Variants in CTSH observed in about 807,000 individuals in gnomAD.
CTSH encodes the protein cathepsin H.
A neutral mutation model predicts 56.3 loss-of-function variants in CTSH; 52 were observed. The ratio of observed to expected loss-of-function variants is 0.92; its 90% CI spans 0.74 to 1.16. CTSH has a LOEUF of 1.16. CTSH is among the 50% of genes most tolerant of loss of function. The pLI is 0.00. For missense variants in CTSH, 406 were observed against 424.5 expected (o/e 0.96, Z 0.38); for synonymous variants, 174 against 155.7 (o/e 1.12, Z -0.88).
At chr15:78,933,863 G>T (rs984322077) in intron 5 of CTSH, among the ~76,000 whole-genome samples, 1 of 152,234 alleles carries the variant, frequency 6.6e-6, no homozygotes, top group Non-Finnish European at 1.5e-5. Context: ...GCCACAGTAA[G>T]AGACGGCACA....
At chr15:78,937,743 A>G in intron 2 of CTSH, 1 of 1,333,632 alleles carries the variant, frequency 7.5e-7, no homozygotes, top group Non-Finnish European at 9.8e-7. Flanking sequence ...AGTTTACAGC[A>G]AAGATCACCA....
intron 1 of CTSH, among the ~76,000 whole-genome samples, chr15:78,942,603 C>T (rs549319284): frequency 5.6e-4 from 86 of 152,298 alleles, no homozygotes; most frequent in African/African-American, 1.9e-3. Flanking sequence ...ATTGAGAATG[C>T]CAGATATGAA....
At chr15:78,943,187 C>G (rs1306446237) in intron 1 of CTSH, among the ~76,000 whole-genome samples, 1 of 152,162 alleles carries the variant, frequency 6.6e-6, no homozygotes, top group Non-Finnish European at 1.5e-5. Flanking sequence ...CTAGTCAGGA[C>G]TTTAAAAGTG....
intron 7 of CTSH, among the ~76,000 whole-genome samples, chr15:78,930,150 C>T (rs1021695724): frequency 1.3e-5 from 2 of 152,194 alleles, no homozygotes; most frequent in Non-Finnish European, 2.9e-5. Context: ...ATCCCCAGGG[C>T]CTACACACAG....
intron 10 of CTSH, among the ~76,000 whole-genome samples, chr15:78,924,855 T>TTTC (rs1272295178): frequency 1.3e-5 from 2 of 150,596 alleles, no homozygotes; most frequent in African/African-American, 2.4e-5. Flanking sequence ...ACGCTGGCTT[T>TTTC]TTTTTTTTTT....
At chr15:78,930,448 A>G (rs1264656287) in intron 7 of CTSH, among the ~76,000 whole-genome samples, 1 of 151,900 alleles carries the variant, frequency 6.6e-6, no homozygotes, top group Non-Finnish European at 1.5e-5. Flanking sequence ...AATGGGGTGA[A>G]CCCGGGAGGC....
rs772206954 is a variant in CTSH at position 78,927,569 on chromosome 15, CTG to C, written c.699+142_699+143del. ...TCCTGCCTCGCCACCATCACAGCGA[CTG>C]AGACCCAGGGATAATATGAACTCGT... On this transcript the variant is annotated intron_variant, in intron 9 of 11. Transcript: ENST00000220166. 1.6e-3 allele frequency: 1,122 copies of C among 707,360 alleles called. 2 individuals carry two copies. The highest frequency in any genetic ancestry group is 1.9e-3 in the Non-Finnish European group (780 of 413,868). 43.8% of individuals were successfully genotyped at this position (707,360 alleles called of 1,614,324 possible). A position where few individuals can be genotyped will look rare whatever the true frequency, so the allele number is the denominator to read the frequency against.
At chr15:78,924,019 C>T (rs1347083139) in intron 10 of CTSH, among the ~76,000 whole-genome samples, 2 of 148,184 alleles carry the variant, frequency 1.3e-5, no homozygotes, top group African/African-American at 2.5e-5. Context: ...AAAGAGGCTG[C>T]TTCTCTACAG....
intron 5 of CTSH, chr15:78,933,657 G>A (rs970761381): frequency 5.0e-5 from 18 of 358,984 alleles, no homozygotes; most frequent in Admixed American, 3.2e-4. Flanking sequence ...TGAAGGAGGC[G>A]GAGCTCGGCT....
chr15:78,944,778 CG>C lies in CTSH; in HGVS notation c.91+112del, dbSNP rs1274459668. 1.3e-5 allele frequency: 18 copies of C among 1,389,570 alleles called. No homozygotes were observed. In the African/African-American group the frequency reaches 2.7e-4, roughly 21 times the overall value. 86.1% of individuals were successfully genotyped at this position (1,389,570 alleles called of 1,614,324 possible). ...GCACGCAGAGTTCCTGGCCTCTCAC[CG>C]GGGAAAGCTCTGCCCCGTTCCTCCG... On this transcript the variant is annotated intron_variant, in intron 1 of 11. Coordinates refer to ENST00000220166, the MANE Select transcript of CTSH (RefSeq NM_004390.5).
Position 78,939,455 on chromosome 15 carries a change from C to T in CTSH, c.92-284G>A, listed in dbSNP as rs141132607. Reference sequence around the variant, plus strand: ...GGGTGCAGAAAGCACTTCCGGGATGCTGCTCATATCCTGTTTCTTCAACTG... The same window carrying T: ...GGGTGCAGAAAGCACTTCCGGGATGTTGCTCATATCCTGTTTCTTCAACTG... On this transcript the variant is annotated intron_variant, in intron 1 of 11. Coordinates refer to ENST00000220166, the MANE Select transcript of CTSH (RefSeq NM_004390.5). Among the ~76,000 whole-genome samples, 64 of 152,324 alleles carry T rather than the reference C, an allele frequency of 4.2e-4. 1 individual carries two copies. The highest frequency in any genetic ancestry group is 3.3e-3 in the East Asian group (17 of 5,188).
At chr15:78,931,203 G>A (rs1033650364) in intron 7 of CTSH, among the ~76,000 whole-genome samples, 25 of 152,218 alleles carry the variant, frequency 1.6e-4, no homozygotes, top group African/African-American at 5.8e-4. Context: ...GAGGCCAACC[G>A]CACTGTGGAG....
chr15:78,944,635 G>A, intron 1 of CTSH: 1 of 485,382 alleles, frequency 2.1e-6, no homozygotes, highest in Non-Finnish European at 3.4e-6. Context: ...TTCTAGGCTG[G>A]AGAGCCACCT....
intron 9 of CTSH, chr15:78,927,492 T>TCG: frequency 1.7e-6 from 1 of 580,472 alleles, no homozygotes; most frequent in Non-Finnish European, 3.1e-6. Flanking sequence ...TGTGTGGATC[T>TCG]GGAGTTCAGA....
At chr15:78,937,003 C>A in intron 3 of CTSH, 1 of 322,500 alleles carries the variant, frequency 3.1e-6, no homozygotes, top group Non-Finnish European at 5.8e-6. Context: ...CCATGAGCAA[C>A]CCCTACCCCC....
intron 6 of CTSH, chr15:78,932,072 C>T (rs758981824): frequency 8.8e-6 from 11 of 1,250,922 alleles, no homozygotes; most frequent in Non-Finnish European, 1.1e-5. Flanking sequence ...AGTTGGCTAC[C>T]CACCAGGCAG....
intron 3 of CTSH, among the ~76,000 whole-genome samples, chr15:78,936,392 G>C (rs1184782752): frequency 6.6e-6 from 1 of 151,520 alleles, no homozygotes; most frequent in African/African-American, 2.4e-5. Flanking sequence ...ATGTTGGCCA[G>C]GCTGGTCTCG....
At chr15:78,935,200 G>T in intron 4 of CTSH, 118 bp from the exon 5 acceptor site, 1 of 710,270 alleles carries the variant, frequency 1.4e-6, no homozygotes, top group Non-Finnish European at 2.4e-6. Flanking sequence ...AAAGGCTGCA[G>T]CTCTCAGAAC....
At chr15:78,937,888 A>C (rs1203774508) in intron 2 of CTSH, 1 of 1,000,842 alleles carries the variant, frequency 1.0e-6, no homozygotes. Context: ...GGTAAATGTA[A>C]TATTTCGATA....
Sources: allele counts gnomAD v4.1 joint callset (sites outside exome capture counted in the v4.1 genomes callset), GRCh38; gene constraint gnomAD v4.1.1; transcripts MANE v1.5; gene names NCBI Gene and HGNC (gene_info 2026-07-23, HGNC 2026-07-21).